IKZF4: variants seen among roughly 807,000 people sequenced by gnomAD.
IKZF4 encodes the protein IKAROS family zinc finger 4, also known as zinc finger protein Eos.
IKZF4 carries 11 observed loss-of-function variants against 47.7 expected under a neutral mutation model. The ratio of observed to expected loss-of-function variants is 0.23; its 90% confidence interval spans 0.15 to 0.38. The LOEUF (loss-of-function observed/expected upper bound fraction) is 0.38, where lower values mean the gene tolerates loss of function less well. Among genes scored for constraint, IKZF4 ranks in the 10% least tolerant of loss-of-function variants. The probability of loss-of-function intolerance (pLI) is 1.00; values close to 1 mark genes in which losing one functional copy is unlikely to be tolerated. For synonymous variants in IKZF4, 298 were observed against 299.4 expected, an observed-to-expected ratio of 1.00 and a Z score of 0.05; for missense variants, 557 against 784.9, an observed-to-expected ratio of 0.71 and a Z score of 3.47.
In IKZF4 at chr12:56,034,869, TCCCCTCCTCTACCGGCCCCGAGGC is replaced by T. The variant is rs767805044; in HGVS notation, c.1302_1325del (p.Leu435_Leu442del). On this transcript the variant is annotated inframe_deletion, in exon 8 of 8. Transcript: ENST00000547167. ...GACCTGAGGACCTGGCTGATGGAGG[TCCCCTCCTCTACCGGCCCCGAGGC>T]CCCCTGACTGACCCTGGGGCATCCC... 1.9e-6 allele frequency: 3 copies of T among 1,611,064 alleles called. No homozygotes were observed. The South Asian group carries it at 3.3e-5, about 18-fold the overall frequency.
At chr12:56,024,695 A>G (rs1893651220) in intron 2 of IKZF4, 5 of 1,121,414 alleles carry the variant, frequency 4.5e-6, no homozygotes, top group East Asian at 7.6e-5. Flanking sequence ...AGAGAGGAAC[A>G]GTAGGGAAGA....
intron 1 of IKZF4, chr12:56,021,841 G>C (rs1427060067): frequency 1.8e-6 from 1 of 565,226 alleles, no homozygotes; most frequent in South Asian, 2.1e-5. Flanking sequence ...GTGACATCTT[G>C]ATTAGGCCTT....
upstream of IKZF4, chr12:56,021,024 C>T: frequency 1.1e-6 from 1 of 936,780 alleles, no homozygotes. Flanking sequence ...CCATCCATCT[C>T]TCTCTCTCTC....
At chr12:56,018,070 A>C, upstream of IKZF4, 10 of 1,019,976 alleles carry the variant, frequency 9.8e-6, no homozygotes, top group Non-Finnish European at 1.3e-5. Flanking sequence ...ATTAAAGAAA[A>C]GCCTCCTCCC....
At chr12:56,008,671 ATTTTTTT>A (rs11456606) in intron 1 of IKZF4, among the ~76,000 whole-genome samples, 1 of 124,606 alleles carries the variant, frequency 8.0e-6, no homozygotes, top group African/African-American at 3.1e-5. Flanking sequence ...CTTCCAGGAA[ATTTTTTT>A]TTTTTTTTTT....
intron 6 of IKZF4, 90 bp from the exon 7 acceptor site, chr12:56,033,100 C>A: frequency 6.6e-7 from 1 of 1,509,312 alleles, no homozygotes; most frequent in Non-Finnish European, 9.1e-7. Context: ...TCCTTGGCTA[C>A]TGACCTGCTG....
At chr12:56,026,583 G>A (rs1378935600) in intron 3 of IKZF4, among the ~76,000 whole-genome samples, 198 bp from the exon 4 acceptor site, 1 of 151,714 alleles carries the variant, frequency 6.6e-6, no homozygotes, top group Non-Finnish European at 1.5e-5. Context: ...CAGCTACTCA[G>A]GAGGCTGAGG....
At chr12:56,016,813 T>G (rs867746774), upstream of IKZF4, among the ~76,000 whole-genome samples, 4 of 152,032 alleles carry the variant, frequency 2.6e-5, no homozygotes, top group African/African-American at 9.7e-5. Flanking sequence ...TTGGTCAGGC[T>G]GAACTCCTGA....
chr12:56,023,999 G>C (rs1289431214), intron 2 of IKZF4: 2 of 811,268 alleles, frequency 2.5e-6, no homozygotes, highest in Non-Finnish European at 3.0e-6. Flanking sequence ...CATATGTGTT[G>C]TGTCTCTGTG....
In IKZF4 at chr12:56,035,413, AGTT is replaced by A; in HGVS notation, c.*83_*85del. 3 of 1,497,124 alleles carry A rather than the reference AGTT, an allele frequency of 2.0e-6. No individual in the cohort carries two copies. In the African/African-American group the frequency reaches 4.2e-5, roughly 21 times the overall value. 92.7% of individuals were successfully genotyped at this position (1,497,124 alleles called of 1,614,324 possible). On this transcript the variant is annotated 3_prime_UTR_variant, in exon 8 of 8. Transcript: ENST00000547167. This position sits in a 1 kb window ranked among gnomAD's most constrained non-coding sequence, Gnocchi z 6.1. ...TCCCTGTCCCCACCATTTCCCAAGG[AGTT>A]TTGCTTTGTAGCCCTCACTACTGGC...
chr12:56,025,985 G>T (rs1166051442), intron 3 of IKZF4, among the ~76,000 whole-genome samples: 1 of 152,130 alleles, frequency 6.6e-6, no homozygotes, highest in Non-Finnish European at 1.5e-5. Context: ...GCCCAGGCTG[G>T]ACTGCAGTGG....
chr12:56,032,270 C>T (rs1895020696), intron 5 of IKZF4: 1 of 357,844 alleles, frequency 2.8e-6, no homozygotes, highest in African/African-American at 2.1e-5. Flanking sequence ...CCTGGGTCCT[C>T]ACTTCCTTTA....
chr12:56,034,417 A>T (rs1413873709), intron 7 of IKZF4, among the ~76,000 whole-genome samples, 154 bp from the exon 8 acceptor site: 1 of 152,166 alleles, frequency 6.6e-6, no homozygotes, highest in Non-Finnish European at 1.5e-5. Context: ...AGAGTCAGGG[A>T]GCAGTCCCAC....
chr12:56,029,361 G>A (rs1894555796), intron 5 of IKZF4, among the ~76,000 whole-genome samples: 2 of 152,206 alleles, frequency 1.3e-5, no homozygotes, highest in Admixed American at 1.3e-4. Flanking sequence ...TTAGGCTTTT[G>A]GCTTGGACTT....
chr12:56,033,400 G>C, intron 7 of IKZF4, 79 bp downstream of exon 7: 1 of 1,577,882 alleles, frequency 6.3e-7, no homozygotes, highest in South Asian at 1.1e-5. Context: ...TGGAGATTCG[G>C]TTTGGGGAAA....
At chr12:56,014,418 A>G (rs1361798953) in intron 2 of IKZF4, among the ~76,000 whole-genome samples, 2 of 152,214 alleles carry the variant, frequency 1.3e-5, no homozygotes, top group African/African-American at 4.8e-5. Flanking sequence ...TGCTAGCTGA[A>G]TGGTATGCTT....
chr12:56,028,532 CAAAAAAAAAAAAAA>C (rs56380320), intron 5 of IKZF4, among the ~76,000 whole-genome samples: 1 of 52,960 alleles, frequency 1.9e-5, no homozygotes, highest in Non-Finnish European at 3.7e-5. Flanking sequence ...CACTCAGTCT[CAAAAAAAAAAAAAA>C]AAAAAAAAAA....
At chr12:56,028,407 C>G (rs2136679175) in intron 5 of IKZF4, among the ~76,000 whole-genome samples, 1 of 151,654 alleles carries the variant, frequency 6.6e-6, no homozygotes, top group African/African-American at 2.4e-5. Context: ...GTGGCAGGCA[C>G]CTGTAGTCCC....
chr12:56,017,844 G>A (rs1457659374), upstream of IKZF4, among the ~76,000 whole-genome samples: 3 of 152,090 alleles, frequency 2.0e-5, no homozygotes, highest in African/African-American at 4.8e-5. Flanking sequence ...CACATGCCAC[G>A]ATGCCTAATT....
Sources: allele counts gnomAD v4.1 joint callset (sites outside exome capture counted in the v4.1 genomes callset), GRCh38; gene constraint gnomAD v4.1.1; non-coding constraint Gnocchi (gnomAD v3.1); transcripts MANE v1.5; gene names NCBI Gene and HGNC (gene_info 2026-07-23, HGNC 2026-07-21).